The following PCNX4 variants were observed in gnomAD, a reference collection of about 807,000 sequenced individuals.
The protein encoded by PCNX4 is pecanex-like protein 4.
Under a neutral mutation model 107.2 loss-of-function variants are expected in PCNX4, and 103 were observed. That is an observed-to-expected ratio of 0.96 (90% CI 0.82 to 1.13). PCNX4 has a LOEUF of 1.13. Ranked by LOEUF, PCNX4 falls within the 50% of genes most tolerant of loss-of-function variation. The pLI, the probability that PCNX4 is intolerant of heterozygous loss-of-function variation, is 0.00. For synonymous variants in PCNX4, 541 were observed against 481.7 expected (o/e 1.12, Z -1.61); for missense variants, 1,528 against 1,379.4 (o/e 1.11, Z -1.71).
rs781273413 is a variant in PCNX4 at position 60,124,701 on chromosome 14, A to G, written c.2530A>G (p.Lys844Glu). The stretch of plus-strand genomic sequence containing the variant: ...AGTAATAGAAGAAAAACATCAGTTG[A>G]AAGATTTGCCAGGTACAAATTTGTT... ...KKVIEEKHQLKDLPGTNLFIP... is the reference protein window; with the variant it reads ...KKVIEEKHQLEDLPGTNLFIP... The change falls in exon 9 of 11, where the codon AAA becomes GAA. Residue 844 changes from lysine to glutamate, a missense_variant. Lys to Glu is a moderately conservative substitution (Grantham distance 56, BLOSUM62 1). Coordinates refer to ENST00000406854, the MANE Select transcript of PCNX4 (RefSeq NM_001330177.2). 3.0e-5 allele frequency: 49 copies of G among 1,613,162 alleles called. No homozygotes were observed. In the East Asian group the frequency reaches 1.0e-3, roughly 34 times the overall value.
chr14:60,098,462 A>C (rs934773189), intron 1 of PCNX4, among the ~76,000 whole-genome samples: 1 of 152,054 alleles, frequency 6.6e-6, no homozygotes, highest in African/African-American at 2.4e-5. Flanking sequence ...TTATTCAAAA[A>C]CCCTCCAAAA....
At chr14:60,119,298 A>G (rs1232018890) in intron 7 of PCNX4, among the ~76,000 whole-genome samples, 2 of 152,176 alleles carry the variant, frequency 1.3e-5, no homozygotes, top group Non-Finnish European at 1.5e-5. Context: ...GCTTTTGTCA[A>G]ACACTAACTG....
Position 60,144,984 on chromosome 14 carries a change from A to G in PCNX4, c.*10763A>G, listed in dbSNP as rs1053032670. The stretch of plus-strand genomic sequence containing the variant: ...GCTCTTTTCAGTCATGTTTTGTCTT[A>G]AAGATTTTAAAATAAGAAGAGTCTG... On this transcript the variant is annotated 3_prime_UTR_variant, in exon 11 of 11. Transcript: ENST00000406854. The G allele has an allele frequency of 5.0e-6, 8 of 1,602,840 alleles. No individual in the cohort carries two copies. Among genetic ancestry groups the G allele is most frequent in the African/African-American group, 4.1e-5 (3 of 73,464 alleles).
chr14:60,129,530 G>T (rs1021208101), intron 10 of PCNX4, among the ~76,000 whole-genome samples: 25 of 152,112 alleles, frequency 1.6e-4, no homozygotes, highest in Non-Finnish European at 3.1e-4. Flanking sequence ...TCCATCCTAG[G>T]TGATGGAGCA....
chr14:60,128,781 T>C (rs189239049), intron 10 of PCNX4, among the ~76,000 whole-genome samples: 103 of 152,314 alleles, frequency 6.8e-4, no homozygotes, highest in African/African-American at 2.3e-3. Flanking sequence ...CTATAACATA[T>C]AGGAATGTAA....
At chr14:60,102,706 C>T (rs889887419) in intron 1 of PCNX4, among the ~76,000 whole-genome samples, 12 of 152,034 alleles carry the variant, frequency 7.9e-5, no homozygotes, top group Non-Finnish European at 1.8e-4. Flanking sequence ...AGTCTTCAGC[C>T]GTTTTTTATT....
In PCNX4 at chr14:60,146,074, T is replaced by C. The variant is rs1290589120; in HGVS notation, c.*11853T>C. On this transcript the variant is annotated 3_prime_UTR_variant, in exon 11 of 11. Transcript: ENST00000406854. This position sits in a 1 kb window ranked among gnomAD's most constrained non-coding sequence, Gnocchi z 4.9. ...TGGGAGAGAGGAAGAGTACAGACTA[T>C]AAAGAATGAGGTATTATGTCCTAAA... is the stretch of plus-strand genomic sequence containing the variant. 3 of 150,988 alleles carry C rather than the reference T, an allele frequency of 2.0e-5. No individual in the cohort carries two copies. The highest frequency in any genetic ancestry group is 3.0e-5 in the Non-Finnish European group (2 of 67,790). 9.4% of individuals were successfully genotyped at this position (150,988 alleles called of 1,614,324 possible).
Position 60,107,819 on chromosome 14 carries a change from T to C in PCNX4, c.181T>C (p.Leu61=), listed in dbSNP as rs1409439785. 3.1e-6 allele frequency: 5 copies of C among 1,612,708 alleles called. No homozygotes were observed. In the African/African-American group the frequency reaches 6.7e-5, roughly 22 times the overall value. The change falls in exon 2 of 11, where the codon TTA becomes CTA. Residue 61 remains leucine, a synonymous_variant. Coordinates refer to ENST00000406854, the MANE Select transcript of PCNX4 (RefSeq NM_001330177.2). The part of the protein sequence containing the change: ...PWVWGGVGTL[L]YQLGILKDYY... Reference sequence around the variant, plus strand: ...GGTTTGGGGTGGAGTCGGAACACTTTTATACCAGTTAGGCATCCTGAAAGA... The same window carrying C: ...GGTTTGGGGTGGAGTCGGAACACTTCTATACCAGTTAGGCATCCTGAAAGA...
rs775474942 is a variant in PCNX4, at chr14:60,114,964, T to A, written c.870-10T>A. The A allele has an allele frequency of 6.4e-7, 1 of 1,567,304 alleles. No individual in the cohort carries two copies. Among genetic ancestry groups the A allele is most frequent in the Admixed American group, 2.1e-5 (1 of 48,356 alleles). On this transcript the variant is annotated splice_polypyrimidine_tract_variant and intron_variant, in intron 3 of 10. Transcript: ENST00000406854. ...AAGTAAATATTTTTTTCTTTTTTTT[T>A]TCTGTACAGGTTATTAGTAATGTTC...
At position 60,141,021 on chromosome 14, in the gene PCNX4, T is replaced by C. The variant is rs1288275188; in HGVS notation, c.*6800T>C. On this transcript the variant is annotated 3_prime_UTR_variant, in exon 11 of 11. Coordinates refer to ENST00000406854, the MANE Select transcript of PCNX4 (RefSeq NM_001330177.2). Reference sequence around the variant, plus strand: ...AGGGACAGGGAAAATTAATTTTCCCTACTTATAAAGATGAAAGAGGCAGCC... The same window carrying C: ...AGGGACAGGGAAAATTAATTTTCCCCACTTATAAAGATGAAAGAGGCAGCC... 10 of 152,232 alleles carry C rather than the reference T, an allele frequency of 6.6e-5. No homozygotes were observed. The allele number at this position is 152,232 out of a possible 1,614,324, so 9.4% of individuals were successfully genotyped here.
rs1368546996 is a variant in PCNX4 at position 60,107,770 on chromosome 14, A to G, written c.132A>G (p.Gln44=). The G allele has an allele frequency of 1.9e-6, 3 of 1,612,632 alleles. No homozygotes were observed. The highest frequency in any genetic ancestry group is 1.6e-4 in the Middle Eastern group (1 of 6,084). ...YCAPPYIYVN[Q]IILFLMPWVW... ...CCCCTCCTTACATATATGTTAATCAAATTATTCTTTTTCTAATGCCATGGG... is the reference window on the plus strand; with the variant it reads ...CCCCTCCTTACATATATGTTAATCAGATTATTCTTTTTCTAATGCCATGGG... Residue 44 remains glutamine (Q), a synonymous_variant, in exon 2 of 11, where the codon CAA becomes CAG. Transcript: ENST00000406854.
At chr14:60,103,539 A>G (rs1424889158) in intron 1 of PCNX4, among the ~76,000 whole-genome samples, 1 of 152,246 alleles carries the variant, frequency 6.6e-6, no homozygotes, top group East Asian at 1.9e-4. Flanking sequence ...AAAATAAATC[A>G]CCATATCAGT....
intron 10 of PCNX4, among the ~76,000 whole-genome samples, chr14:60,127,585 A>G (rs1032777573): frequency 6.6e-6 from 1 of 152,224 alleles, no homozygotes; most frequent in South Asian, 2.1e-4. Context: ...TGACTTCACT[A>G]CAATAAGCCA....
chr14:60,128,218 A>C (rs751915357), intron 10 of PCNX4, among the ~76,000 whole-genome samples: 1 of 152,208 alleles, frequency 6.6e-6, no homozygotes, highest in African/African-American at 2.4e-5. Context: ...TTATTGTAAA[A>C]CATTAATCCA....
rs1471087503 is a variant in PCNX4 at position 60,139,185 on chromosome 14, AAAG to A, written c.*4967_*4969del. 2 of 144,682 alleles carry A rather than the reference AAAG, an allele frequency of 1.4e-5. No homozygotes were observed. The highest frequency in any genetic ancestry group is 2.8e-5 in the African/African-American group (1 of 35,136). 9.0% of individuals were successfully genotyped at this position (144,682 alleles called of 1,614,324 possible). On this transcript the variant is annotated 3_prime_UTR_variant, in exon 11 of 11. Coordinates refer to ENST00000406854, the MANE Select transcript of PCNX4 (RefSeq NM_001330177.2). Reference sequence around the variant, plus strand: ...TTAAATGCAAAGATCATCAAAGTGAAAAGAAAGAAAACCCACAAAGTACCTTTA... The same window carrying A: ...TTAAATGCAAAGATCATCAAAGTGAAAAAGAAAACCCACAAAGTACCTTTA...
In PCNX4 at chr14:60,134,129, C is replaced by G. The variant is rs989299945; in HGVS notation, c.3427C>G (p.Leu1143Val). Residue 1143 changes from leucine to valine, a missense_variant, in exon 11 of 11, where the codon CTA becomes GTA. Leu to Val is a conservative substitution (Grantham distance 32). Transcript: ENST00000406854. ...EERYSIQAHPLLLRNLTVQAA... is the reference protein window; with the variant it reads ...EERYSIQAHPVLLRNLTVQAA... The stretch of plus-strand genomic sequence containing the variant: ...ACGTTATAGTATACAAGCTCATCCA[C>G]TACTTTTAAGAAATCTTACGGTACA... The G allele has an allele frequency of 6.2e-7, 1 of 1,613,760 alleles. No individual in the cohort carries two copies. Among genetic ancestry groups the G allele is most frequent in the African/African-American group, 1.3e-5 (1 of 74,920 alleles).
At chr14:60,111,423 T>C (rs1024903381) in intron 2 of PCNX4, among the ~76,000 whole-genome samples, 1 of 152,216 alleles carries the variant, frequency 6.6e-6, no homozygotes, top group Non-Finnish European at 1.5e-5. Flanking sequence ...CCTCTACCAT[T>C]TACTGACTAT....
intron 1 of PCNX4, among the ~76,000 whole-genome samples, chr14:60,095,963 C>G (rs1201023328): frequency 1.3e-5 from 2 of 152,080 alleles, no homozygotes; most frequent in Non-Finnish European, 2.9e-5. Context: ...GAATCATTAC[C>G]CTAGCCCTTT....
In PCNX4 at chr14:60,108,191, T is replaced by A. The variant is rs768400298; in HGVS notation, c.553T>A (p.Cys185Ser). Residue 185 changes from cysteine (C) to serine (S), a missense_variant, in exon 2 of 11, where the codon TGT (cysteine) becomes AGT (serine). Cys to Ser is a moderately radical substitution (Grantham distance 112, BLOSUM62 -1). Transcript: ENST00000406854. ...LLFFFGWMTL[C>S]IAEYSLIVNT... ...ATTCTTCTTTGGATGGATGACACTA[T>A]GTATAGCAGAATATTCTTTAATTGT... The A allele has an allele frequency of 1.9e-6, 3 of 1,612,832 alleles. No individual in the cohort carries two copies. Among genetic ancestry groups the A allele is most frequent in the Non-Finnish European group, 2.5e-6 (3 of 1,179,824 alleles).
Sources: gnomAD v4.1 joint callset for allele counts (sites outside exome capture counted in the v4.1 genomes callset) on GRCh38, gnomAD v4.1.1 for gene constraint, Gnocchi (gnomAD v3.1) non-coding constraint, MANE v1.5 for transcripts, NCBI Gene and HGNC (gene_info 2026-07-23, HGNC 2026-07-21) for gene names.